Variants in AOAH observed in about 807,000 individuals in gnomAD.
AOAH encodes acyloxyacyl hydrolase (neutrophil).
Under a neutral mutation model 92.2 loss-of-function variants are expected in AOAH, and 64 were observed. The observed-to-expected ratio is 0.69, with a 90% CI of 0.57 to 0.86. AOAH has a LOEUF of 0.86. Ranked by LOEUF, AOAH falls within the 40% of genes least tolerant of loss-of-function variation. The pLI is 0.00. For missense variants in AOAH, 656 were observed against 694.6 expected, an observed-to-expected ratio of 0.94 and a Z score of 0.62; for synonymous variants, 263 against 254.5, an observed-to-expected ratio of 1.03 and a Z score of -0.32.
At position 36,614,671 on chromosome 7, in the gene AOAH, A is replaced by G. The variant is rs2001598; in HGVS notation, c.846+1709T>C. Among the ~76,000 whole-genome samples the G allele has an allele frequency of 0.45, 68,838 of 151,662 alleles. 15,725 individuals carry two copies. The highest frequency in any genetic ancestry group is 0.48 in the Non-Finnish European group (32,894 of 67,852). ...TGGGGGAGGCCTGTGTTCCAATGTT[A>G]ACCTTTGGTCCTTTTGGGAATCTGG... is the stretch of plus-strand genomic sequence containing the variant. On this transcript the variant is annotated intron_variant, in intron 11 of 20. Transcript: ENST00000617537. This position sits in a 1 kb window ranked among gnomAD's most constrained non-coding sequence, Gnocchi z 4.2.
chr7:36,667,230 T>C (rs1042067463), intron 3 of AOAH, among the ~76,000 whole-genome samples: 3 of 152,216 alleles, frequency 2.0e-5, no homozygotes, highest in Non-Finnish European at 4.4e-5. Flanking sequence ...AATTGCATGC[T>C]GTTTTCAGTA....
In AOAH at chr7:36,521,740, G is replaced by A. The variant is rs557379600; in HGVS notation, c.1599+299C>T. Among the ~76,000 whole-genome samples, 41 of 148,580 alleles carry A rather than the reference G, an allele frequency of 2.8e-4. 1 individual carries two copies. The South Asian group carries it at 8.5e-3, about 31-fold the overall frequency. ...TGTATTATGGAAGCCATGGCTTACTGCCCCTTTTAGCATCGCACAGAGCTG... is the reference window on the plus strand; with the variant it reads ...TGTATTATGGAAGCCATGGCTTACTACCCCTTTTAGCATCGCACAGAGCTG... On this transcript the variant is annotated intron_variant, in intron 20 of 20. Coordinates refer to ENST00000617537, the MANE Select transcript of AOAH (RefSeq NM_001637.4).
intron 1 of AOAH, among the ~76,000 whole-genome samples, chr7:36,712,691 A>G (rs1250439187): frequency 1.3e-5 from 2 of 152,182 alleles, no homozygotes; most frequent in African/African-American, 4.8e-5. Context: ...ATTCTCAAAG[A>G]AAAGAATTTT....
At chr7:36,609,729 A>G (rs1338234015) in intron 11 of AOAH, among the ~76,000 whole-genome samples, 1 of 151,952 alleles carries the variant, frequency 6.6e-6, no homozygotes, top group East Asian at 1.9e-4. Context: ...TAGAACTGCT[A>G]CTTCTTCGTC....
chr7:36,687,073 A>T (rs760980673), intron 1 of AOAH, among the ~76,000 whole-genome samples: 1 of 152,144 alleles, frequency 6.6e-6, no homozygotes, highest in Non-Finnish European at 1.5e-5. Context: ...CATCCTACAC[A>T]TTCGCTTGGT....
intron 2 of AOAH, among the ~76,000 whole-genome samples, chr7:36,676,465 A>C (rs1796265895): frequency 6.6e-6 from 1 of 152,230 alleles, no homozygotes; most frequent in Non-Finnish European, 1.5e-5. Context: ...AGTAGACCTA[A>C]ATAAATGGAA....
intron 13 of AOAH, among the ~76,000 whole-genome samples, chr7:36,551,229 A>G (rs1240969699): frequency 6.6e-6 from 1 of 151,938 alleles, no homozygotes; most frequent in African/African-American, 2.4e-5. Context: ...ATGTGCCACC[A>G]TGCTTGGCTA....
chr7:36,541,616 G>A (rs866204642), intron 15 of AOAH, among the ~76,000 whole-genome samples: 1 of 152,240 alleles, frequency 6.6e-6, no homozygotes, highest in Non-Finnish European at 1.5e-5. Context: ...CCTGGGTGAT[G>A]AGGTAATTTG....
chr7:36,714,069 T>C (rs1367025706), intron 1 of AOAH, among the ~76,000 whole-genome samples: 2 of 152,010 alleles, frequency 1.3e-5, no homozygotes, highest in East Asian at 1.9e-4. Context: ...ACAAAATTGA[T>C]AGACCGCTAG....
chr7:36,531,842 TTGTG>T (rs3837108), intron 18 of AOAH, among the ~76,000 whole-genome samples: 52,176 of 150,504 alleles, frequency 0.35, 9,291 homozygotes, highest in Middle Eastern at 0.44. Flanking sequence ...CTTTAAGAGG[TTGTG>T]TGTGTGTGTG....
chr7:36,716,235 C>G (rs1487297811), intron 1 of AOAH, among the ~76,000 whole-genome samples: 2 of 151,898 alleles, frequency 1.3e-5, no homozygotes, highest in Non-Finnish European at 2.9e-5. Flanking sequence ...ATGCTCATCA[C>G]TGACCATCAG....
At chr7:36,612,091 A>C (rs1347921609) in intron 11 of AOAH, among the ~76,000 whole-genome samples, 1 of 152,244 alleles carries the variant, frequency 6.6e-6, no homozygotes, top group Admixed American at 6.5e-5. Context: ...ATTTGCTTAA[A>C]ACAAATAGAA....
At chr7:36,586,045 C>T (rs893912355) in intron 12 of AOAH, among the ~76,000 whole-genome samples, 14 of 152,088 alleles carry the variant, frequency 9.2e-5, no homozygotes, top group African/African-American at 3.1e-4. Flanking sequence ...ACAGATGGTC[C>T]GTCTTGCCCA....
intron 19 of AOAH, among the ~76,000 whole-genome samples, chr7:36,524,644 T>C (rs6462683): frequency 0.96 from 145,672 of 152,110 alleles, 70,074 homozygotes; most frequent in East Asian, 1. Context: ...CCACTGCACT[T>C]CAGCCCGGGA....
At chr7:36,554,775 GCTCT>G (rs1207140593) in intron 13 of AOAH, among the ~76,000 whole-genome samples, 1 of 150,690 alleles carries the variant, frequency 6.6e-6, no homozygotes, top group South Asian at 2.1e-4. Flanking sequence ...TCATGATTTG[GCTCT>G]CTGTTTGTCT....
At chr7:36,687,257 C>T (rs559196131) in intron 1 of AOAH, among the ~76,000 whole-genome samples, 115 of 152,288 alleles carry the variant, frequency 7.6e-4, no homozygotes, top group Non-Finnish European at 1.4e-3. Flanking sequence ...TCCCATAGGG[C>T]TGCTGTGATG....
intron 1 of AOAH, chr7:36,690,217 C>CA (rs11427708): frequency 0.75 from 330,608 of 441,150 alleles, 124,310 homozygotes; most frequent in East Asian, 0.92. Context: ...TAAAAAGAAG[C>CA]AAAAAAAATT....
chr7:36,541,920 T>G (rs1562550968), intron 15 of AOAH, among the ~76,000 whole-genome samples: 1 of 152,244 alleles, frequency 6.6e-6, no homozygotes, highest in Non-Finnish European at 1.5e-5. Flanking sequence ...ACACTCTAAC[T>G]GCCTGTCTTT....
chr7:36,723,955 CGCAA>C, intron 1 of AOAH, 63 bp downstream of exon 1: 1 of 1,516,230 alleles, frequency 6.6e-7, no homozygotes, highest in South Asian at 1.2e-5. Flanking sequence ...TGATTTATTA[CGCAA>C]GCAAAGTACT....
Sources: gnomAD v4.1 joint callset for allele counts (sites outside exome capture counted in the v4.1 genomes callset) on GRCh38, gnomAD v4.1.1 for gene constraint, Gnocchi (gnomAD v3.1) non-coding constraint, MANE v1.5 for transcripts, NCBI Gene and HGNC (gene_info 2026-07-23, HGNC 2026-07-21) for gene names.